The following COL25A1 variants were observed in gnomAD, a reference collection of about 807,000 sequenced individuals.
COL25A1 encodes collagen type XXV alpha 1 chain.
A neutral mutation model predicts 128.4 loss-of-function variants in COL25A1; 103 were observed. That is an observed-to-expected ratio of 0.80 (90% CI 0.68 to 0.94). COL25A1 has a LOEUF of 0.94. COL25A1 is among the 40% of genes least tolerant of loss of function. The pLI is 0.00. For synonymous variants in COL25A1, 279 were observed against 277.2 expected, an observed-to-expected ratio of 1.01 and a Z score of -0.06; for missense variants, 745 against 840.0, an observed-to-expected ratio of 0.89 and a Z score of 1.40.
chr4:109,160,978 T>C (rs2126117482), intron 3 of COL25A1, among the ~76,000 whole-genome samples: 1 of 152,298 alleles, frequency 6.6e-6, no homozygotes, highest in East Asian at 1.9e-4. Context: ...ATGAAATATT[T>C]ATAATAATTT....
intron 3 of COL25A1, among the ~76,000 whole-genome samples, chr4:109,098,230 T>C (rs1765567173): frequency 1.3e-5 from 2 of 152,238 alleles, no homozygotes; most frequent in Admixed American, 1.3e-4. Context: ...CTTAAGCTGA[T>C]ACGCAGTTTC....
intron 15 of COL25A1, among the ~76,000 whole-genome samples, chr4:108,898,477 C>T (rs1181566584): frequency 6.6e-6 from 1 of 152,036 alleles, no homozygotes; most frequent in Admixed American, 6.6e-5. Context: ...AGCATGAGAA[C>T]CAGGAAAATA....
intron 32 of COL25A1, among the ~76,000 whole-genome samples, chr4:108,830,944 T>C (rs1043539894): frequency 1.8e-4 from 28 of 152,376 alleles, no homozygotes; most frequent in African/African-American, 6.7e-4. Context: ...TCAGAAGTCA[T>C]TGGTTTGATC....
At chr4:108,862,374 A>C (rs865843800) in intron 22 of COL25A1, 127 bp downstream of exon 22, 5 of 726,672 alleles carry the variant, frequency 6.9e-6, no homozygotes, top group African/African-American at 5.3e-5. Context: ...TTTTGCAATA[A>C]GTATTGCAGT....
At chr4:108,890,432 G>T (rs1220066903) in intron 16 of COL25A1, among the ~76,000 whole-genome samples, 1 of 152,132 alleles carries the variant, frequency 6.6e-6, no homozygotes, top group Non-Finnish European at 1.5e-5. Context: ...TTTTTTATAA[G>T]GCACTGTGTT....
At chr4:109,215,830 C>T (rs1021447774) in intron 3 of COL25A1, among the ~76,000 whole-genome samples, 1 of 152,194 alleles carries the variant, frequency 6.6e-6, no homozygotes, top group Non-Finnish European at 1.5e-5. Flanking sequence ...GCATGAGACC[C>T]TCCTCAAAGC....
intron 3 of COL25A1, among the ~76,000 whole-genome samples, chr4:109,090,001 T>A (rs1293388180): frequency 6.6e-6 from 1 of 152,032 alleles, no homozygotes; most frequent in Non-Finnish European, 1.5e-5. Context: ...CTGCATGAAG[T>A]TTGAGTTTAC....
At chr4:109,172,636 T>C (rs1773698924) in intron 3 of COL25A1, among the ~76,000 whole-genome samples, 1 of 152,194 alleles carries the variant, frequency 6.6e-6, no homozygotes, top group African/African-American at 2.4e-5. Flanking sequence ...GAACTCTCTT[T>C]TGTCCTGTTA....
intron 19 of COL25A1, among the ~76,000 whole-genome samples, chr4:108,875,860 C>T (rs992245011): frequency 6.6e-6 from 1 of 152,156 alleles, no homozygotes; most frequent in Non-Finnish European, 1.5e-5. Context: ...GGCACATATA[C>T]ACCATGGAAT....
intron 13 of COL25A1, among the ~76,000 whole-genome samples, chr4:108,909,970 G>C (rs1328074221): frequency 6.6e-6 from 1 of 152,186 alleles, no homozygotes; most frequent in African/African-American, 2.4e-5. Context: ...CAGGGGCTTA[G>C]CGGTGCACGT....
intron 3 of COL25A1, among the ~76,000 whole-genome samples, chr4:109,107,167 C>G (rs1232029258): frequency 6.6e-6 from 1 of 152,008 alleles, no homozygotes; most frequent in Non-Finnish European, 1.5e-5. Context: ...TCCAATGAAG[C>G]AATTTAGACA....
At chr4:108,852,567 G>A (rs900807789) in intron 25 of COL25A1, among the ~76,000 whole-genome samples, 1 of 152,078 alleles carries the variant, frequency 6.6e-6, no homozygotes. Context: ...CATCGTATTG[G>A]GATGAATTAG....
intron 3 of COL25A1, among the ~76,000 whole-genome samples, chr4:109,160,056 C>T (rs1772406287): frequency 6.6e-6 from 1 of 152,094 alleles, no homozygotes; most frequent in Admixed American, 6.6e-5. Context: ...TGTGACAAAA[C>T]CAGTTTCTCT....
intron 3 of COL25A1, among the ~76,000 whole-genome samples, chr4:109,202,798 T>C (rs1052428657): frequency 8.5e-5 from 13 of 152,176 alleles, no homozygotes; most frequent in Non-Finnish European, 1.9e-4. Flanking sequence ...CCTATATCTA[T>C]AGAGATATCT....
rs201929872 is a variant in COL25A1 at position 108,913,261 on chromosome 4, C to CTTTTTTTTTTTTTTTT, written c.780+4895_780+4910dup. Among the ~76,000 whole-genome samples the CTTTTTTTTTTTTTTTT allele has an allele frequency of 4.7e-3, 437 of 92,352 alleles. 88 individuals carry two copies. The highest frequency in any genetic ancestry group is 0.023 in the East Asian group (34 of 1,502). 60.6% of individuals were successfully genotyped at this position (92,352 alleles called of 152,430 possible). The stretch of plus-strand genomic sequence containing the variant: ...TTTGTGTGGTCTCTGTCTCTAGCTC[C>CTTTTTTTTTTTTTTTT]TTTTTTTTTTTTTTTTTTTTTTAAG... On this transcript the variant is annotated intron_variant, in intron 13 of 37. Coordinates refer to ENST00000399132, the MANE Select transcript of COL25A1 (RefSeq NM_198721.4).
At chr4:108,950,745 A>G (rs966278861) in intron 8 of COL25A1, among the ~76,000 whole-genome samples, 5 of 152,200 alleles carry the variant, frequency 3.3e-5, no homozygotes, top group Non-Finnish European at 7.3e-5. Context: ...GAGATGAACT[A>G]AAACATGCAT....
chr4:109,287,106 A>T (rs1372370386), intron 3 of COL25A1, among the ~76,000 whole-genome samples: 1 of 152,232 alleles, frequency 6.6e-6, no homozygotes, highest in Admixed American at 6.5e-5. Context: ...CTATTTTTGA[A>T]GTCATGAAAA....
chr4:108,946,768 C>T (rs1206539615), intron 8 of COL25A1, among the ~76,000 whole-genome samples: 2 of 152,088 alleles, frequency 1.3e-5, no homozygotes, highest in East Asian at 3.9e-4. Context: ...GAAGACCTCC[C>T]AAGCCAGGTG....
chr4:109,197,657 A>G (rs1258079454), intron 3 of COL25A1, among the ~76,000 whole-genome samples: 5 of 150,584 alleles, frequency 3.3e-5, no homozygotes, highest in Non-Finnish European at 7.4e-5. Flanking sequence ...TAGCACTAAC[A>G]TTATACAGGC....
Sources: gnomAD v4.1 joint callset for allele counts (sites outside exome capture counted in the v4.1 genomes callset) on GRCh38, gnomAD v4.1.1 for gene constraint, MANE v1.5 for transcripts, NCBI Gene and HGNC (gene_info 2026-07-23, HGNC 2026-07-21) for gene names.